The following PTPRD variants were observed in gnomAD, a reference collection of about 807,000 sequenced individuals.
The protein encoded by PTPRD is receptor-type tyrosine-protein phosphatase delta.
A neutral mutation model predicts 214.5 loss-of-function variants in PTPRD; 34 were observed. That is an observed-to-expected ratio of 0.16 (90% CI 0.12 to 0.21). PTPRD has a LOEUF of 0.21. Ranked by LOEUF, PTPRD falls within the 10% of genes least tolerant of loss-of-function variation. The pLI is 1.00. For missense variants in PTPRD, 2,545 were observed against 2,398.7 expected, an observed-to-expected ratio of 1.06 and a Z score of -1.27; for synonymous variants, 1,128 against 845.7, an observed-to-expected ratio of 1.33 and a Z score of -5.79.
intron 3 of PTPRD, among the ~76,000 whole-genome samples, chr9:10,191,060 T>C (rs1254911120): frequency 6.6e-6 from 1 of 151,972 alleles, no homozygotes; most frequent in East Asian, 1.9e-4. Flanking sequence ...ATGCCAGTAA[T>C]TACAAAATAA....
At chr9:8,378,789 T>A (rs2084033243) in intron 37 of PTPRD, among the ~76,000 whole-genome samples, 1 of 152,082 alleles carries the variant, frequency 6.6e-6, no homozygotes. Context: ...CTCGATTACA[T>A]TTAGACCTTC....
At chr9:9,976,856 T>G (rs1288902958) in intron 4 of PTPRD, among the ~76,000 whole-genome samples, 1 of 151,962 alleles carries the variant, frequency 6.6e-6, no homozygotes, top group East Asian at 1.9e-4. Flanking sequence ...AATAACAAGT[T>G]AAATTTTTAA....
intron 11 of PTPRD, among the ~76,000 whole-genome samples, chr9:8,864,597 T>TG (rs1424316427): frequency 1.3e-5 from 2 of 152,204 alleles, no homozygotes; most frequent in African/African-American, 4.8e-5. Context: ...TTTCAGAGGA[T>TG]GGTTTCCAAA....
chr9:8,331,456 C>CTTTAAGTTTT, intron 44 of PTPRD, 126 bp downstream of exon 44: 1 of 1,083,998 alleles, frequency 9.2e-7, no homozygotes, highest in Non-Finnish European at 1.3e-6. Context: ...ATCAATCCTG[C>CTTTAAGTTTT]TTTAAGTTTT....
chr9:9,129,694 TGA>T (rs1491148964), intron 10 of PTPRD, among the ~76,000 whole-genome samples: 5 of 152,220 alleles, frequency 3.3e-5, no homozygotes, highest in African/African-American at 1.2e-4. Context: ...ATCAATTGTT[TGA>T]GTTAGTCACT....
chr9:8,920,219 T>C (rs909851219), intron 11 of PTPRD, among the ~76,000 whole-genome samples: 1 of 151,968 alleles, frequency 6.6e-6, no homozygotes, highest in Non-Finnish European at 1.5e-5. Flanking sequence ...CAAACACCTG[T>C]AGTCCTAGCT....
intron 36 of PTPRD, among the ~76,000 whole-genome samples, chr9:8,390,648 T>C (rs1297914682): frequency 6.6e-6 from 1 of 152,208 alleles, no homozygotes; most frequent in Non-Finnish European, 1.5e-5. Context: ...ATGTAATCAG[T>C]AGCAGAGATG....
intron 2 of PTPRD, among the ~76,000 whole-genome samples, chr9:10,422,440 A>G (rs184230500): frequency 2.6e-5 from 4 of 152,234 alleles, no homozygotes; most frequent in African/African-American, 9.6e-5. Flanking sequence ...AATGGTAACA[A>G]AAGCCAAAAT....
chr9:8,812,597 A>G (rs926422317), intron 11 of PTPRD, among the ~76,000 whole-genome samples: 2 of 152,172 alleles, frequency 1.3e-5, no homozygotes, highest in South Asian at 2.1e-4. Context: ...AAATTTGATA[A>G]GAGTTCAATA....
chr9:9,323,798 C>T (rs151200373), intron 9 of PTPRD, among the ~76,000 whole-genome samples: 2,610 of 152,144 alleles, frequency 0.017, 73 homozygotes, highest in African/African-American at 0.06. Flanking sequence ...CCCATTAACT[C>T]GTCATTTACA....
intron 11 of PTPRD, among the ~76,000 whole-genome samples, chr9:8,869,408 A>G (rs1355657052): frequency 1.3e-5 from 2 of 152,164 alleles, no homozygotes; most frequent in African/African-American, 4.8e-5. Flanking sequence ...ATGGTACTTT[A>G]TAAGTCACAG....
At chr9:8,393,419 G>GT (rs2090212604) in intron 36 of PTPRD, among the ~76,000 whole-genome samples, 1 of 152,090 alleles carries the variant, frequency 6.6e-6, no homozygotes, top group African/African-American at 2.4e-5. Flanking sequence ...TGCTTGATTT[G>GT]TTTTTTGGGT....
intron 8 of PTPRD, among the ~76,000 whole-genome samples, chr9:9,557,932 C>G (rs1241521587): frequency 6.6e-6 from 1 of 152,200 alleles, no homozygotes; most frequent in East Asian, 1.9e-4. Context: ...CTAGCTTTCT[C>G]ATTAGCAGCT....
At chr9:10,396,792 A>T (rs1364255901) in intron 2 of PTPRD, among the ~76,000 whole-genome samples, 3 of 152,018 alleles carry the variant, frequency 2.0e-5, no homozygotes, top group Non-Finnish European at 2.9e-5. Flanking sequence ...CCCCAGGGAC[A>T]CTGTAACTGT....
At chr9:9,926,326 G>C (rs1171721890) in intron 5 of PTPRD, among the ~76,000 whole-genome samples, 2 of 152,144 alleles carry the variant, frequency 1.3e-5, no homozygotes, top group African/African-American at 4.8e-5. Context: ...AGGAAAAATA[G>C]TGGATATTAA....
At position 10,126,424 on chromosome 9, in the gene PTPRD, TATACAC is replaced by T. The variant is rs1446517332; in HGVS notation, c.-544-92640_-544-92635del. Among the ~76,000 whole-genome samples, 563 of 130,958 alleles carry T rather than the reference TATACAC, an allele frequency of 4.3e-3. 4 individuals are homozygous for T. Among genetic ancestry groups the T allele is most frequent in the African/African-American group, 0.014 (463 of 34,050 alleles). 85.9% of individuals were successfully genotyped at this position (130,958 alleles called of 152,430 possible). The stretch of plus-strand genomic sequence containing the variant: ...ATTCCTTAAATAATACTGTTTTATA[TATACAC>T]ACACACACACACACACACACACACA... On this transcript the variant is annotated intron_variant, in intron 3 of 45. Coordinates refer to ENST00000381196, the MANE Select transcript of PTPRD (RefSeq NM_002839.4).
At chr9:8,910,335 C>T (rs890658665) in intron 11 of PTPRD, among the ~76,000 whole-genome samples, 1 of 152,050 alleles carries the variant, frequency 6.6e-6, no homozygotes, top group African/African-American at 2.4e-5. Context: ...CCGCACCTGG[C>T]CTTTATGTAG....
intron 3 of PTPRD, among the ~76,000 whole-genome samples, chr9:10,069,506 C>T (rs1045503933): frequency 6.6e-6 from 1 of 151,908 alleles, no homozygotes; most frequent in African/African-American, 2.4e-5. Context: ...AGTGGAGTTG[C>T]TCCCAGGATT....
intron 12 of PTPRD, among the ~76,000 whole-genome samples, chr9:8,638,155 C>A: frequency 7.2e-6 from 1 of 139,142 alleles, no homozygotes; most frequent in East Asian, 2.0e-4. Flanking sequence ...TTTCTCTTCT[C>A]TCCTACTGTG....
Sources: allele counts gnomAD v4.1 joint callset (sites outside exome capture counted in the v4.1 genomes callset), GRCh38; gene constraint gnomAD v4.1.1; transcripts MANE v1.5; gene names NCBI Gene and HGNC (gene_info 2026-07-23, HGNC 2026-07-21).